FHIT: variants seen among roughly 807,000 people sequenced by gnomAD.
The protein encoded by FHIT is fragile histidine triad diadenosine triphosphatase.
A neutral mutation model predicts 17.9 loss-of-function variants in FHIT; 19 were observed. That is an observed-to-expected ratio of 1.06 (90% CI 0.74 to 1.56). The LOEUF is 1.56. Among genes scored for constraint, FHIT ranks in the 40% most tolerant of loss-of-function variants. The pLI is 0.00. For synonymous variants in FHIT, 81 were observed against 69.7 expected (o/e 1.16, Z -0.81); for missense variants, 248 against 189.2 (o/e 1.31, Z -1.82).
At chr3:60,041,763 T>G (rs934518657) in intron 5 of FHIT, among the ~76,000 whole-genome samples, 1 of 152,212 alleles carries the variant, frequency 6.6e-6, no homozygotes, top group African/African-American at 2.4e-5. Context: ...ATACATGAAA[T>G]TGCCTCTTTT....
At chr3:60,008,458 GA>G (rs1700007282) in intron 7 of FHIT, among the ~76,000 whole-genome samples, 1 of 152,094 alleles carries the variant, frequency 6.6e-6, no homozygotes, top group Non-Finnish European at 1.5e-5. Flanking sequence ...TTGCAAAGCA[GA>G]ATTTAAAGCC....
chr3:60,899,512 T>C (rs1245564727), intron 3 of FHIT, among the ~76,000 whole-genome samples: 1 of 152,144 alleles, frequency 6.6e-6, no homozygotes, highest in Non-Finnish European at 1.5e-5. Flanking sequence ...CAGAATCCAC[T>C]GGTCCTGCAA....
At chr3:60,593,811 A>T (rs1310035093) in intron 4 of FHIT, among the ~76,000 whole-genome samples, 2 of 152,056 alleles carry the variant, frequency 1.3e-5, no homozygotes, top group African/African-American at 4.8e-5. Flanking sequence ...ATGTGGAAAA[A>T]CATTTCTCCC....
intron 2 of FHIT, among the ~76,000 whole-genome samples, chr3:61,161,086 T>C (rs747167043): frequency 6.6e-6 from 1 of 151,736 alleles, no homozygotes; most frequent in Non-Finnish European, 1.5e-5. Flanking sequence ...TTTTGCTGGG[T>C]TGGGATTTTT....
chr3:60,714,078 A>C (rs1553705945), intron 4 of FHIT, among the ~76,000 whole-genome samples: 2 of 152,240 alleles, frequency 1.3e-5, no homozygotes, highest in African/African-American at 4.8e-5. Flanking sequence ...CAAAAAGCTT[A>C]TCCACCATGA....
intron 8 of FHIT, among the ~76,000 whole-genome samples, chr3:59,763,047 C>A (rs559876192): frequency 1.3e-5 from 2 of 152,142 alleles, no homozygotes; most frequent in South Asian, 2.1e-4. Flanking sequence ...TTTTCCCCCC[C>A]GCCGGTGTTT....
chr3:60,734,135 C>A (rs571158112), intron 4 of FHIT, among the ~76,000 whole-genome samples: 4 of 151,544 alleles, frequency 2.6e-5, no homozygotes, highest in Admixed American at 1.3e-4. Context: ...ACAATGCAAG[C>A]GCCATTGTTT....
intron 8 of FHIT, among the ~76,000 whole-genome samples, chr3:59,861,242 C>G (rs2106846426): frequency 6.6e-6 from 1 of 152,216 alleles, no homozygotes; most frequent in East Asian, 1.9e-4. Context: ...GACACCAACA[C>G]CATGTACAAA....
intron 4 of FHIT, among the ~76,000 whole-genome samples, chr3:60,724,813 T>TA (rs373356298): frequency 1.3e-5 from 2 of 152,096 alleles, no homozygotes; most frequent in African/African-American, 4.8e-5. Flanking sequence ...CATGCCTGGC[T>TA]AATTTTTGTC....
chr3:60,627,891 A>G lies in FHIT; in HGVS notation c.-17-90912T>C, dbSNP rs139655699. ...TCTTTCCTGCTTAGTCAGTCTAGGT[A>G]AAGTTTTCTCTGGTTTGTTCATCTT... is the stretch of plus-strand genomic sequence containing the variant. On this transcript the variant is annotated intron_variant, in intron 4 of 9. Coordinates refer to ENST00000492590, the MANE Select transcript of FHIT (RefSeq NM_002012.4). 3.3e-5 allele frequency among the ~76,000 whole-genome samples: 5 copies of G among 152,298 alleles called. No homozygotes were observed. In the East Asian group the frequency reaches 5.8e-4, roughly 18 times the overall value.
At chr3:60,088,368 T>C (rs535527671) in intron 5 of FHIT, among the ~76,000 whole-genome samples, 2 of 152,316 alleles carry the variant, frequency 1.3e-5, no homozygotes, top group African/African-American at 2.4e-5. Flanking sequence ...AGTATTTAAA[T>C]GTTAGTCAGG....
At chr3:60,554,543 A>G (rs2036678862) in intron 4 of FHIT, among the ~76,000 whole-genome samples, 1 of 152,202 alleles carries the variant, frequency 6.6e-6, no homozygotes, top group African/African-American at 2.4e-5. Flanking sequence ...CTTGTATGGT[A>G]AATCTGAATC....
chr3:59,979,895 T>C (rs75191208), intron 7 of FHIT, among the ~76,000 whole-genome samples: 3,470 of 152,186 alleles, frequency 0.023, 137 homozygotes, highest in African/African-American at 0.079. Context: ...ACTGAGGAAA[T>C]CTGGGAGATG....
chr3:60,588,353 A>C (rs782238063), intron 4 of FHIT, among the ~76,000 whole-genome samples: 4 of 152,106 alleles, frequency 2.6e-5, no homozygotes, highest in African/African-American at 4.8e-5. Context: ...AAGAACAAAC[A>C]GTCAAATGAC....
At chr3:60,108,743 A>G (rs1253346766) in intron 5 of FHIT, among the ~76,000 whole-genome samples, 1 of 150,642 alleles carries the variant, frequency 6.6e-6, no homozygotes. Context: ...AGCTCACCAC[A>G]ACCTCCACCT....
At chr3:59,944,862 CT>C (rs998315521) in intron 7 of FHIT, among the ~76,000 whole-genome samples, 6 of 152,132 alleles carry the variant, frequency 3.9e-5, no homozygotes, top group African/African-American at 1.2e-4. Context: ...TGATCTCATT[CT>C]TTTTTGTGGC....
At chr3:59,887,512 T>C (rs1703678088) in intron 8 of FHIT, among the ~76,000 whole-genome samples, 1 of 152,140 alleles carries the variant, frequency 6.6e-6, no homozygotes. Flanking sequence ...GCCATCCTAT[T>C]ATAATAACAG....
At chr3:61,120,898 T>A (rs1003825946) in intron 2 of FHIT, among the ~76,000 whole-genome samples, 1 of 151,726 alleles carries the variant, frequency 6.6e-6, no homozygotes, top group African/African-American at 2.4e-5. Flanking sequence ...GAGAAAAACA[T>A]AAATGACCTG....
chr3:60,716,512 G>T (rs192875412), intron 4 of FHIT, among the ~76,000 whole-genome samples: 2 of 152,142 alleles, frequency 1.3e-5, no homozygotes, highest in East Asian at 3.9e-4. Flanking sequence ...CAACTGGCAG[G>T]TCTTCAGGGG....
Sources: gnomAD v4.1 joint callset for allele counts (sites outside exome capture counted in the v4.1 genomes callset) on GRCh38, gnomAD v4.1.1 for gene constraint, MANE v1.5 for transcripts, NCBI Gene and HGNC (gene_info 2026-07-23, HGNC 2026-07-21) for gene names.